The following PLEKHA5 variants were observed in gnomAD, a reference collection of about 807,000 sequenced individuals.
PLEKHA5 encodes the protein pleckstrin homology domain containing A5.
Under a neutral mutation model 181.9 loss-of-function variants are expected in PLEKHA5, and 55 were observed. The observed-to-expected ratio is 0.30, with a 90% CI of 0.24 to 0.38. The LOEUF (loss-of-function observed/expected upper bound fraction) is 0.38. Among genes scored for constraint, PLEKHA5 ranks in the 10% least tolerant of loss-of-function variants. PLEKHA5 has a pLI of 1.00. For missense variants in PLEKHA5, 1,432 were observed against 1,549.5 expected (o/e 0.92, Z 1.27); for synonymous variants, 535 against 529.4 (o/e 1.01, Z -0.15).
In PLEKHA5 at chr12:19,336,496, T is replaced by G. The variant is rs753710250; in HGVS notation, c.2449-19T>G. Reference sequence around the variant, plus strand: ...AGCACATTTTCCCCATTAAAGTAATTAACACTTTTTGGTTTTAGGAATTGG... The same window carrying G: ...AGCACATTTTCCCCATTAAAGTAATGAACACTTTTTGGTTTTAGGAATTGG... On this transcript the variant is annotated intron_variant, in intron 20 of 31. Coordinates refer to ENST00000429027, the MANE Select transcript of PLEKHA5 (RefSeq NM_001256470.2). 1 of 1,293,966 alleles carries G rather than the reference T, an allele frequency of 7.7e-7. No homozygotes were observed. Among genetic ancestry groups the G allele is most frequent in the Non-Finnish European group, 1.1e-6 (1 of 896,912 alleles). 80.2% of individuals were successfully genotyped at this position (1,293,966 alleles called of 1,614,324 possible).
At chr12:19,235,899 AATAT>A (rs2061342504) in intron 3 of PLEKHA5, among the ~76,000 whole-genome samples, 1 of 152,196 alleles carries the variant, frequency 6.6e-6, no homozygotes, top group Non-Finnish European at 1.5e-5. Flanking sequence ...CTGAGGTACA[AATAT>A]ACATTGTTAC....
At chr12:19,196,333 T>C (rs2052726059) in intron 3 of PLEKHA5, among the ~76,000 whole-genome samples, 1 of 152,220 alleles carries the variant, frequency 6.6e-6, no homozygotes, top group Non-Finnish European at 1.5e-5. Flanking sequence ...TGTAAAATCT[T>C]GTATATTGTT....
rs797008542 is a variant in PLEKHA5 at position 19,282,987 on chromosome 12, G to A, written c.1314-293G>A. 4.6e-5 allele frequency among the ~76,000 whole-genome samples: 7 copies of A among 151,658 alleles called. 1 individual carries two copies. Among genetic ancestry groups the A allele is most frequent in the African/African-American group, 1.5e-4 (6 of 41,376 alleles). ...GAAGTGGGTGGATTACCTGAGGTCA[G>A]GAATTCAAGATCAGCCGGGCATGGT... On this transcript the variant is annotated intron_variant, in intron 11 of 31. Transcript: ENST00000429027.
intron 21 of PLEKHA5, among the ~76,000 whole-genome samples, chr12:19,342,322 G>A (rs977349697): frequency 2.6e-5 from 4 of 152,072 alleles, no homozygotes; most frequent in Admixed American, 2.0e-4. Flanking sequence ...TTTGGTTTCA[G>A]TTAGTGTATT....
At chr12:19,129,987 C>T (rs894886978) in intron 1 of PLEKHA5, 64 bp from the exon 2 acceptor site, 31 of 1,450,948 alleles carry the variant, frequency 2.1e-5, no homozygotes, top group African/African-American at 5.7e-5. Context: ...GCTCCTGCAG[C>T]CCCTCGGCTC....
At chr12:19,175,725 A>G (rs944939215) in intron 3 of PLEKHA5, among the ~76,000 whole-genome samples, 1 of 152,350 alleles carries the variant, frequency 6.6e-6, no homozygotes, top group African/African-American at 2.4e-5. Flanking sequence ...TAAAGTGTAC[A>G]TAACATTGTT....
At chr12:19,205,822 A>T (rs550422152) in intron 3 of PLEKHA5, among the ~76,000 whole-genome samples, 1 of 152,098 alleles carries the variant, frequency 6.6e-6, no homozygotes, top group African/African-American at 2.4e-5. Flanking sequence ...TTGCTTTCAC[A>T]TTTCTATATT....
intron 24 of PLEKHA5, among the ~76,000 whole-genome samples, chr12:19,347,729 A>G (rs1489285064): frequency 6.6e-6 from 1 of 152,158 alleles, no homozygotes; most frequent in Non-Finnish European, 1.5e-5. Context: ...TTTGAGAACA[A>G]CAAAATGTCT....
intron 15 of PLEKHA5, among the ~76,000 whole-genome samples, chr12:19,305,734 C>T (rs528228066): frequency 2.0e-4 from 31 of 151,768 alleles, no homozygotes; most frequent in Non-Finnish European, 3.8e-4. Flanking sequence ...GTGGCACATG[C>T]CTGTAATCCC....
At chr12:19,350,694 G>T (rs1274095273) in intron 25 of PLEKHA5, among the ~76,000 whole-genome samples, 1 of 152,154 alleles carries the variant, frequency 6.6e-6, no homozygotes, top group South Asian at 2.1e-4. Flanking sequence ...ACTTGAACTG[G>T]GAGGCAGAGG....
At chr12:19,260,247 A>G (rs998965043) in intron 6 of PLEKHA5, among the ~76,000 whole-genome samples, 4 of 152,206 alleles carry the variant, frequency 2.6e-5, no homozygotes, top group African/African-American at 7.2e-5. Context: ...AATAATTTCA[A>G]TTCACATATT....
intron 12 of PLEKHA5, among the ~76,000 whole-genome samples, chr12:19,284,592 A>T (rs988793006): frequency 1.3e-5 from 2 of 152,196 alleles, no homozygotes; most frequent in Non-Finnish European, 2.9e-5. Flanking sequence ...AAAAATGGAG[A>T]TCATGTTTTA....
intron 21 of PLEKHA5, among the ~76,000 whole-genome samples, chr12:19,339,916 TAAAC>T (rs1217748721): frequency 6.6e-6 from 1 of 151,872 alleles, no homozygotes; most frequent in Non-Finnish European, 1.5e-5. Flanking sequence ...GTTAAATAAA[TAAAC>T]AAGGAAACAT....
chr12:19,311,280 T>G (rs1343600382), intron 15 of PLEKHA5, among the ~76,000 whole-genome samples: 1 of 142,236 alleles, frequency 7.0e-6, no homozygotes, highest in African/African-American at 2.6e-5. Flanking sequence ...AAAAAAAAAA[T>G]TTTTAATCAG....
At chr12:19,344,685 A>T (rs2094189794) in intron 22 of PLEKHA5, among the ~76,000 whole-genome samples, 1 of 152,232 alleles carries the variant, frequency 6.6e-6, no homozygotes, top group African/African-American at 2.4e-5. Context: ...CATTATGTTA[A>T]TACCAGTAAT....
intron 3 of PLEKHA5, among the ~76,000 whole-genome samples, chr12:19,250,612 A>T (rs1484574378): frequency 3.3e-5 from 5 of 152,166 alleles, no homozygotes; most frequent in African/African-American, 1.2e-4. Flanking sequence ...AATAAAAAAA[A>T]ATAAAGACTT....
chr12:19,329,077 C>T (rs182935036), intron 20 of PLEKHA5, among the ~76,000 whole-genome samples: 6 of 152,286 alleles, frequency 3.9e-5, no homozygotes, highest in African/African-American at 1.2e-4. Flanking sequence ...AAAGCCTTTT[C>T]CATGTCTACT....
intron 3 of PLEKHA5, among the ~76,000 whole-genome samples, chr12:19,220,647 T>C (rs1249454923): frequency 6.6e-6 from 1 of 152,226 alleles, no homozygotes; most frequent in Admixed American, 6.5e-5. Context: ...TTTTTTGTGC[T>C]GCTTTTAAAA....
intron 16 of PLEKHA5, among the ~76,000 whole-genome samples, chr12:19,317,751 CTAAATAAAATA>C (rs547274326): frequency 3.2e-4 from 48 of 151,622 alleles, no homozygotes; most frequent in Non-Finnish European, 6.9e-4. Flanking sequence ...TTCCGACATC[CTAAATAAAATA>C]TAACACATGT....
Sources: allele counts gnomAD v4.1 joint callset (sites outside exome capture counted in the v4.1 genomes callset), GRCh38; gene constraint gnomAD v4.1.1; transcripts MANE v1.5; gene names NCBI Gene and HGNC (gene_info 2026-07-23, HGNC 2026-07-21).